DSCAM: variants seen among roughly 807,000 people sequenced by gnomAD.
The protein encoded by DSCAM is cell adhesion molecule DSCAM.
DSCAM carries 47 observed loss-of-function variants against 217.7 expected under a neutral mutation model. The ratio of observed to expected loss-of-function variants is 0.22; its 90% confidence interval spans 0.17 to 0.28. DSCAM has a LOEUF of 0.28. Among genes scored for constraint, DSCAM ranks in the 10% least tolerant of loss-of-function variants. The probability of loss-of-function intolerance (pLI) is 1.00; values close to 1 mark genes in which losing one functional copy is unlikely to be tolerated. For missense variants in DSCAM, 2,080 were observed against 2,618.3 expected (o/e 0.79, Z 4.49); for synonymous variants, 1,056 against 1,015.3 (o/e 1.04, Z -0.76).
chr21:40,377,134 T>C (rs1030843451), intron 3 of DSCAM, among the ~76,000 whole-genome samples: 2 of 152,224 alleles, frequency 1.3e-5, no homozygotes, highest in African/African-American at 4.8e-5. Flanking sequence ...AGGCTACCAC[T>C]GCTTTCGGCA....
intron 1 of DSCAM, among the ~76,000 whole-genome samples, chr21:40,841,761 G>A (rs907321922): frequency 3.9e-5 from 6 of 152,230 alleles, no homozygotes; most frequent in African/African-American, 1.4e-4. Flanking sequence ...CGCCACGCCG[G>A]GGTTCCCTCG....
intron 3 of DSCAM, among the ~76,000 whole-genome samples, chr21:40,590,723 A>G (rs1474045026): frequency 6.6e-6 from 1 of 152,196 alleles, no homozygotes; most frequent in East Asian, 1.9e-4. Flanking sequence ...ACTTTTGAAC[A>G]TTATCTCACT....
chr21:40,515,225 A>G (rs950024988), intron 3 of DSCAM, among the ~76,000 whole-genome samples: 21 of 152,206 alleles, frequency 1.4e-4, no homozygotes, highest in African/African-American at 5.1e-4. Flanking sequence ...CTTTTCCTTG[A>G]AAAAGAGTTT....
At chr21:40,511,973 AGAGT>A (rs2076261501) in intron 3 of DSCAM, among the ~76,000 whole-genome samples, 4 of 119,610 alleles carry the variant, frequency 3.3e-5, no homozygotes, top group Non-Finnish European at 6.5e-5. Context: ...CCTGGGCGAC[AGAGT>A]GAGACTCTGT....
At chr21:40,273,565 T>C (rs1268505270) in intron 11 of DSCAM, among the ~76,000 whole-genome samples, 1 of 152,204 alleles carries the variant, frequency 6.6e-6, no homozygotes, top group African/African-American at 2.4e-5. Context: ...CTATCTAGCC[T>C]CAACAGTCCT....
At chr21:40,414,204 A>G (rs994028901) in intron 3 of DSCAM, among the ~76,000 whole-genome samples, 4 of 152,360 alleles carry the variant, frequency 2.6e-5, no homozygotes, top group South Asian at 2.1e-4. Context: ...ACTGCAGATT[A>G]AGAGAAAATA....
intron 3 of DSCAM, among the ~76,000 whole-genome samples, chr21:40,582,357 T>C (rs1225990679): frequency 1.3e-5 from 2 of 152,208 alleles, no homozygotes; most frequent in Non-Finnish European, 2.9e-5. Context: ...TTTTTAATTT[T>C]CTGTGAGTCC....
rs541952264 is a variant in DSCAM at position 40,662,374 on chromosome 21, T to A, written c.508+30436A>T. Among the ~76,000 whole-genome samples, 5 of 152,306 alleles carry A rather than the reference T, an allele frequency of 3.3e-5. No homozygotes were observed. In the South Asian group the frequency reaches 1.0e-3, roughly 32 times the overall value. On this transcript the variant is annotated intron_variant, in intron 3 of 32. Transcript: ENST00000400454. ...TCTTGCTTAAACAGCATGAGTTCCGTGCTTTATATTGAGACTGGCATATTT... is the reference window on the plus strand; with the variant it reads ...TCTTGCTTAAACAGCATGAGTTCCGAGCTTTATATTGAGACTGGCATATTT...
At chr21:40,485,436 G>T (rs984281232) in intron 3 of DSCAM, among the ~76,000 whole-genome samples, 4 of 151,622 alleles carry the variant, frequency 2.6e-5, no homozygotes, top group Admixed American at 2.6e-4. Flanking sequence ...TAGAGACGGG[G>T]TTTCACCGTG....
At chr21:40,214,718 C>T (rs1187067686) in intron 11 of DSCAM, among the ~76,000 whole-genome samples, 1 of 125,156 alleles carries the variant, frequency 8.0e-6, no homozygotes, top group Non-Finnish European at 1.6e-5. Context: ...ATAAAACGGA[C>T]TTCAAAGCAA....
rs573114825 is a variant in DSCAM, at chr21:40,769,777, ATCTGATCAGGTT to A, written c.44-61018_44-61007del. Among the ~76,000 whole-genome samples the A allele has an allele frequency of 2.6e-5, 4 of 152,176 alleles. No homozygotes were observed. The South Asian group carries it at 8.3e-4, about 32-fold the overall frequency. ...TCCTGGGTATCTGATCACCCTAACTATCTGATCAGGTTTCTCCTTCACCAACCCCCAGGTGGT... is the reference window on the plus strand; with the variant it reads ...TCCTGGGTATCTGATCACCCTAACTATCTCCTTCACCAACCCCCAGGTGGT... On this transcript the variant is annotated intron_variant, in intron 1 of 32. Transcript: ENST00000400454.
At chr21:40,486,948 G>C (rs757524563) in intron 3 of DSCAM, among the ~76,000 whole-genome samples, 2 of 152,012 alleles carry the variant, frequency 1.3e-5, no homozygotes, top group Non-Finnish European at 2.9e-5. Context: ...TGCTGGCATG[G>C]GGTCATCAGT....
chr21:40,507,218 A>G (rs1009465427), intron 3 of DSCAM, among the ~76,000 whole-genome samples: 1 of 152,148 alleles, frequency 6.6e-6, no homozygotes, highest in African/African-American at 2.4e-5. Context: ...CAGAGGTTGC[A>G]GTGAGCCGAG....
At chr21:40,178,627 AC>A (rs2090759219) in intron 15 of DSCAM, among the ~76,000 whole-genome samples, 1 of 152,138 alleles carries the variant, frequency 6.6e-6, no homozygotes. Context: ...ATGTGTCCAA[AC>A]AAAGGAATTG....
At chr21:40,512,116 G>A (rs554480439) in intron 3 of DSCAM, among the ~76,000 whole-genome samples, 2 of 152,160 alleles carry the variant, frequency 1.3e-5, no homozygotes, top group South Asian at 4.1e-4. Flanking sequence ...CAAGAAGAGA[G>A]TGTGTGTGTT....
intron 3 of DSCAM, among the ~76,000 whole-genome samples, chr21:40,491,982 G>T (rs2076079640): frequency 6.6e-6 from 1 of 152,098 alleles, no homozygotes; most frequent in African/African-American, 2.4e-5. Context: ...TAGGTTTGAT[G>T]TAGTACCCTT....
chr21:40,060,949 C>A (rs969577282), intron 28 of DSCAM, among the ~76,000 whole-genome samples: 5 of 152,054 alleles, frequency 3.3e-5, no homozygotes, highest in African/African-American at 4.8e-5. Context: ...ACAAAAAGCA[C>A]GGGCTGAAGG....
At chr21:40,600,481 A>G (rs1225407764) in intron 3 of DSCAM, among the ~76,000 whole-genome samples, 1 of 152,156 alleles carries the variant, frequency 6.6e-6, no homozygotes, top group Non-Finnish European at 1.5e-5. Flanking sequence ...ACCTCCTAAG[A>G]CTATCACAAC....
chr21:40,166,094 G>A (rs1003280531), intron 16 of DSCAM, among the ~76,000 whole-genome samples: 11 of 152,086 alleles, frequency 7.2e-5, no homozygotes, highest in Non-Finnish European at 2.9e-5. Flanking sequence ...GGTGGTATCC[G>A]CCCCAACAAT....
Sources: gnomAD v4.1 joint callset for allele counts (sites outside exome capture counted in the v4.1 genomes callset) on GRCh38, gnomAD v4.1.1 for gene constraint, MANE v1.5 for transcripts, NCBI Gene and HGNC (gene_info 2026-07-23, HGNC 2026-07-21) for gene names.